The following RNF144A variants were observed in gnomAD, a reference collection of about 807,000 sequenced individuals.
RNF144A encodes E3 ubiquitin-protein ligase RNF144A.
Under a neutral mutation model 38.7 loss-of-function variants are expected in RNF144A, and 11 were observed. That is an observed-to-expected ratio of 0.28 (90% CI 0.18 to 0.47). RNF144A has a LOEUF of 0.47. Ranked by LOEUF, RNF144A falls within the 20% of genes least tolerant of loss-of-function variation. The probability of loss-of-function intolerance (pLI) is 0.99; values close to 1 mark genes in which losing one functional copy is unlikely to be tolerated. For synonymous variants in RNF144A, 149 were observed against 143.9 expected (o/e 1.04, Z -0.25); for missense variants, 316 against 377.2 (o/e 0.84, Z 1.34).
chr2:7,074,372 G>A, the RNF144A span: 2 of 152,138 alleles, frequency 1.3e-5, no homozygotes, highest in African/African-American at 2.4e-5. Context: ...GCAAGCGTAC[G>A]TAAGTGCAAC....
chr2:6,979,698 G>A (rs1461550849), intron 2 of RNF144A, among the ~76,000 whole-genome samples: 1 of 152,144 alleles, frequency 6.6e-6, no homozygotes, highest in Non-Finnish European at 1.5e-5. Context: ...AGAATGTGGG[G>A]TTCATAAGTT....
chr2:7,055,451 C>T (rs149236925), intron 6 of RNF144A, among the ~76,000 whole-genome samples: 53 of 152,298 alleles, frequency 3.5e-4, no homozygotes, highest in African/African-American at 9.9e-4. Flanking sequence ...GTACTGACAC[C>T]GCCATCCTCT....
At chr2:7,029,987 G>A in intron 7 of RNF144A, 139 bp from the exon 8 acceptor site, 1 of 652,124 alleles carries the variant, frequency 1.5e-6, no homozygotes, top group South Asian at 1.8e-5. Flanking sequence ...GTTCCCGGAT[G>A]CGTGCCCTTC....
intron 2 of RNF144A, among the ~76,000 whole-genome samples, chr2:6,983,681 C>T (rs1668779739): frequency 6.6e-6 from 1 of 152,246 alleles, no homozygotes; most frequent in East Asian, 1.9e-4. Flanking sequence ...TACCGGAATC[C>T]TCCTGTGTGG....
intron 7 of RNF144A, 87 bp from the exon 8 acceptor site, chr2:7,030,039 G>T: frequency 1.1e-6 from 1 of 919,476 alleles, no homozygotes; most frequent in South Asian, 1.4e-5. Context: ...CATGAGCATA[G>T]GAGAAGAAAT....
At chr2:7,007,743 C>T (rs1398602748) in intron 3 of RNF144A, among the ~76,000 whole-genome samples, 3 of 152,160 alleles carry the variant, frequency 2.0e-5, no homozygotes, top group African/African-American at 7.2e-5. Flanking sequence ...TTCCGTTCCC[C>T]TGGGAGGTCT....
intron 2 of RNF144A, 184 bp from the exon 3 acceptor site, chr2:6,996,732 G>A (rs1427839889): frequency 5.1e-6 from 3 of 585,204 alleles, no homozygotes; most frequent in South Asian, 2.1e-5. Flanking sequence ...CAACCTGGAC[G>A]ACAGAGCGAG....
chr2:6,989,769 C>G (rs1056659024), intron 2 of RNF144A, among the ~76,000 whole-genome samples: 2 of 150,668 alleles, frequency 1.3e-5, no homozygotes, highest in African/African-American at 5.0e-5. Context: ...CTCCCAGCCG[C>G]CCCCCTCCAA....
At chr2:7,024,953 C>G (rs1450601562) in intron 7 of RNF144A, among the ~76,000 whole-genome samples, 1 of 151,754 alleles carries the variant, frequency 6.6e-6, no homozygotes, top group African/African-American at 2.4e-5. Flanking sequence ...CTGATCAGGA[C>G]TCCTTCCTGG....
At chr2:7,015,636 T>G (rs1340230021) in intron 5 of RNF144A, among the ~76,000 whole-genome samples, 1 of 152,208 alleles carries the variant, frequency 6.6e-6, no homozygotes, top group African/African-American at 2.4e-5. Flanking sequence ...ACAATGAAAC[T>G]GTAAAGAGTC....
chr2:7,063,251 A>G (rs1674050643), intron 6 of RNF144A, among the ~76,000 whole-genome samples: 1 of 152,238 alleles, frequency 6.6e-6, no homozygotes, highest in Non-Finnish European at 1.5e-5. Context: ...TGCTTACAGA[A>G]TAGACTTTGG....
At chr2:6,942,711 C>T (rs896121005) in intron 2 of RNF144A, among the ~76,000 whole-genome samples, 14 of 152,168 alleles carry the variant, frequency 9.2e-5, no homozygotes, top group African/African-American at 1.9e-4. Flanking sequence ...AGGCCGGGTG[C>T]GGTGGCTCAC....
At chr2:7,060,363 C>G (rs759874869) in intron 6 of RNF144A, among the ~76,000 whole-genome samples, 1 of 151,988 alleles carries the variant, frequency 6.6e-6, no homozygotes, top group Non-Finnish European at 1.5e-5. Context: ...GGAAAGAGAG[C>G]ACATGTGCTG....
chr2:7,018,817 A>G (rs1671318676), intron 5 of RNF144A, among the ~76,000 whole-genome samples: 1 of 152,016 alleles, frequency 6.6e-6, no homozygotes, highest in Non-Finnish European at 1.5e-5. Context: ...GTTCCTTGTT[A>G]TTATCAAGTT....
At chr2:6,964,526 T>G (rs1667531836) in intron 2 of RNF144A, among the ~76,000 whole-genome samples, 4 of 152,236 alleles carry the variant, frequency 2.6e-5, no homozygotes, top group Admixed American at 2.6e-4. Flanking sequence ...CACACGTATG[T>G]TTATTGTGGC....
At chr2:6,966,841 C>G (rs1188243179) in intron 2 of RNF144A, among the ~76,000 whole-genome samples, 1 of 152,190 alleles carries the variant, frequency 6.6e-6, no homozygotes, top group East Asian at 1.9e-4. Context: ...GCTGCTGTTA[C>G]TCCTGGTGGG....
chr2:6,966,009 A>G (rs1667645826), intron 2 of RNF144A, among the ~76,000 whole-genome samples: 2 of 152,246 alleles, frequency 1.3e-5, no homozygotes, highest in African/African-American at 4.8e-5. Context: ...AGCATTGGGG[A>G]AGTTGTTTAC....
chr2:7,050,621 C>A (rs1272900087), intron 6 of RNF144A, among the ~76,000 whole-genome samples: 1 of 152,314 alleles, frequency 6.6e-6, no homozygotes, highest in African/African-American at 2.4e-5. Flanking sequence ...TGTTGAAAAC[C>A]ATTGAGAGCC....
At position 7,042,080 on chromosome 2, in the gene RNF144A, T is replaced by A; in HGVS notation, c.*2320T>A. 1 of 985,414 alleles carries A rather than the reference T, an allele frequency of 1.0e-6. No individual in the cohort carries two copies. The highest frequency in any genetic ancestry group is 1.2e-6 in the Non-Finnish European group (1 of 829,906). The allele number at this position is 985,414 out of a possible 1,614,324, so 61.0% of individuals were successfully genotyped here. ...TGGCTCTGACTTTTTGTATGAAGCATGCCTCAGTTTCCTCATTTTGATCTA... is the reference window on the plus strand; with the variant it reads ...TGGCTCTGACTTTTTGTATGAAGCAAGCCTCAGTTTCCTCATTTTGATCTA... On this transcript the variant is annotated 3_prime_UTR_variant, in exon 9 of 9. Transcript: ENST00000320892.
Sources: gnomAD v4.1 joint callset for allele counts (sites outside exome capture counted in the v4.1 genomes callset) on GRCh38, gnomAD v4.1.1 for gene constraint, MANE v1.5 for transcripts, NCBI Gene and HGNC (gene_info 2026-07-23, HGNC 2026-07-21) for gene names.